The following CSN3 variants were observed in gnomAD, a reference collection of about 807,000 sequenced individuals.
CSN3 encodes the protein casein kappa.
Under a neutral mutation model 9.9 loss-of-function variants are expected in CSN3, and 7 were observed. The ratio of observed to expected loss-of-function variants is 0.71; its 90% CI spans 0.40 to 1.33. CSN3 has a LOEUF of 1.33. Ranked by LOEUF, CSN3 falls within the 40% of genes most tolerant of loss-of-function variation. The pLI is 0.01. For synonymous variants in CSN3, 88 were observed against 82.3 expected (o/e 1.07, Z -0.37); for missense variants, 253 against 227.9 (o/e 1.11, Z -0.71).
Position 70,249,497 on chromosome 4 carries a change from A to C in CSN3, c.*34+4A>C, listed in dbSNP as rs749116926. ...AATATCAAAGAACACAACGCAGGTAAATTAACAGTATATAAAATGAGTAAT... is the reference window on the plus strand; with the variant it reads ...AATATCAAAGAACACAACGCAGGTACATTAACAGTATATAAAATGAGTAAT... On this transcript the variant is annotated splice_donor_region_variant and intron_variant, in intron 4 of 4. Transcript: ENST00000304954. The C allele has an allele frequency of 5.4e-6, 8 of 1,481,372 alleles. No individual in the cohort carries two copies. The highest frequency in any genetic ancestry group is 5.2e-5 in the Admixed American group (3 of 57,410). The allele number at this position is 1,481,372 out of a possible 1,614,324, so 91.8% of individuals were successfully genotyped here.
At chr4:70,249,094 T>C in exon 4 of CSN3, 1 of 1,614,028 alleles carries the variant, frequency 6.2e-7, no homozygotes, top group Non-Finnish European at 8.5e-7. Flanking sequence ...TGGAACCAAT[T>C]TGTACCAACG....
At chr4:70,238,427 C>T (rs1730213198), upstream of CSN3, among the ~76,000 whole-genome samples, 1 of 151,516 alleles carries the variant, frequency 6.6e-6, no homozygotes, top group South Asian at 2.1e-4. Context: ...AACCAGCACA[C>T]AGTGAGAGAA....
chr4:70,249,220 C>G (rs1730436278), exon 4 of CSN3: 1 of 1,613,864 alleles, frequency 6.2e-7, no homozygotes, highest in Admixed American at 1.7e-5. Context: ...AAATAGCCAC[C>G]CACCCACTGT....
At chr4:70,247,065 A>G (rs1164769671) in intron 2 of CSN3, among the ~76,000 whole-genome samples, 1 of 152,108 alleles carries the variant, frequency 6.6e-6, no homozygotes, top group African/African-American at 2.4e-5. Context: ...TACCTTCTCA[A>G]TTTTCTGATT....
At chr4:70,238,574 T>C (rs921646638), upstream of CSN3, among the ~76,000 whole-genome samples, 1 of 151,910 alleles carries the variant, frequency 6.6e-6, no homozygotes, top group Non-Finnish European at 1.5e-5. Context: ...TCATATCAGA[T>C]ATATGTTAAA....
chr4:70,247,400 T>C (rs1167659286), intron 2 of CSN3, among the ~76,000 whole-genome samples: 1 of 152,166 alleles, frequency 6.6e-6, no homozygotes, highest in Non-Finnish European at 1.5e-5. Flanking sequence ...GTAAACCTTA[T>C]GAATCATCTT....
rs777759332 is a variant in CSN3, at chr4:70,249,410, C to A, written c.500C>A (p.Thr167Lys). The A allele has an allele frequency of 5.6e-6, 9 of 1,613,894 alleles. 1 individual carries two copies. In the South Asian group the frequency reaches 8.8e-5, roughly 16 times the overall value. Residue 167 changes from threonine (T) to lysine (K), a missense_variant, in exon 4 of 5, where the codon ACG becomes AAG. By Grantham distance (78) the Thr-to-Lys change is moderately conservative. Coordinates refer to ENST00000304954, the Ensembl canonical transcript of CSN3. ...GAAGCTTTTTCAGAGTCCATCATCACGAGCACCCCTGAGACAACCACAGTT... is the reference window on the plus strand; with the variant it reads ...GAAGCTTTTTCAGAGTCCATCATCAAGAGCACCCCTGAGACAACCACAGTT...
chr4:70,238,667 A>T (rs1267773486), upstream of CSN3, among the ~76,000 whole-genome samples: 1 of 151,920 alleles, frequency 6.6e-6, no homozygotes, highest in Non-Finnish European at 1.5e-5. Context: ...AAATATTAGG[A>T]TGGTTCAAGT....
chr4:70,248,299 G>T (rs1032289663), intron 3 of CSN3, among the ~76,000 whole-genome samples: 3 of 152,046 alleles, frequency 2.0e-5, no homozygotes, highest in Non-Finnish European at 4.4e-5. Flanking sequence ...CGTTTTAGGA[G>T]AAATGTTTGC....
At chr4:70,244,230 T>C (rs1730328123) in intron 1 of CSN3, among the ~76,000 whole-genome samples, 1 of 152,098 alleles carries the variant, frequency 6.6e-6, no homozygotes, top group African/African-American at 2.4e-5. Context: ...TAAAGGTGTC[T>C]ACTTTTTCTG....
intron 1 of CSN3, chr4:70,243,212 AT>A: frequency 1.0e-6 from 1 of 959,520 alleles, no homozygotes; most frequent in Non-Finnish European, 1.2e-6. Flanking sequence ...TATCTCTGTG[AT>A]TTTTGTTTGT....
At chr4:70,244,672 A>T in intron 1 of CSN3, 140 bp from the exon 2 acceptor site, 1 of 409,826 alleles carries the variant, frequency 2.4e-6, no homozygotes, top group Non-Finnish European at 4.2e-6. Context: ...TTCTTTTGTT[A>T]AAATAAATTT....
upstream of CSN3, among the ~76,000 whole-genome samples, chr4:70,239,590 T>C (rs1730232623): frequency 6.6e-6 from 1 of 151,940 alleles, no homozygotes; most frequent in Non-Finnish European, 1.5e-5. Flanking sequence ...TGACACTCAC[T>C]CTAGGCTCCA....
intron 2 of CSN3, among the ~76,000 whole-genome samples, chr4:70,246,252 G>A (rs2109696415): frequency 6.6e-6 from 1 of 151,998 alleles, no homozygotes; most frequent in South Asian, 2.1e-4. Context: ...ATAGCCTATT[G>A]GTGACATTAT....
At chr4:70,246,533 C>T (rs930560149) in intron 2 of CSN3, among the ~76,000 whole-genome samples, 1 of 151,804 alleles carries the variant, frequency 6.6e-6, no homozygotes, top group African/African-American at 2.4e-5. Flanking sequence ...AAAAGAGACA[C>T]CACATTTCCT....
chr4:70,244,770 A>G, intron 1 of CSN3, 42 bp from the exon 2 acceptor site: 1 of 1,250,596 alleles, frequency 8.0e-7, no homozygotes, highest in Non-Finnish European at 1.1e-6. Flanking sequence ...ATTTCTAGTA[A>G]CAAATTCTTT....
upstream of CSN3, among the ~76,000 whole-genome samples, chr4:70,239,842 C>G (rs1445078031): frequency 6.6e-6 from 1 of 151,972 alleles, no homozygotes; most frequent in Admixed American, 6.6e-5. Flanking sequence ...TTTTAAAGAG[C>G]ATTTTATGCT....
At chr4:70,241,644 T>G (rs1730271824), upstream of CSN3, among the ~76,000 whole-genome samples, 1 of 152,078 alleles carries the variant, frequency 6.6e-6, no homozygotes, top group Admixed American at 6.6e-5. Context: ...TGCCAAAATA[T>G]TCTCAATGTC....
At chr4:70,240,379 GC>G (rs926257692), upstream of CSN3, among the ~76,000 whole-genome samples, 7 of 151,954 alleles carry the variant, frequency 4.6e-5, no homozygotes, top group African/African-American at 1.4e-4. Context: ...GGACTGAAAA[GC>G]CCTGCTGGTT....
Sources: allele counts gnomAD v4.1 joint callset (sites outside exome capture counted in the v4.1 genomes callset), GRCh38; gene constraint gnomAD v4.1.1; transcripts MANE v1.5; gene names NCBI Gene and HGNC (gene_info 2026-07-23, HGNC 2026-07-21).